Variants in SCPEP1 observed in about 807,000 individuals in gnomAD.
SCPEP1 encodes serine carboxypeptidase 1, also known as retinoid-inducible serine carboxypeptidase.
In SCPEP1, 51 loss-of-function variants were observed where a neutral mutation model predicts 63.8. The ratio of observed to expected loss-of-function variants is 0.80; its 90% CI spans 0.64 to 1.01. The LOEUF (loss-of-function observed/expected upper bound fraction) is 1.01. Among genes scored for constraint, SCPEP1 ranks in the 50% least tolerant of loss-of-function variants. SCPEP1 has a pLI of 0.00. For missense variants in SCPEP1, 499 were observed against 554.9 expected, an observed-to-expected ratio of 0.90 and a Z score of 1.01; for synonymous variants, 204 against 207.8, an observed-to-expected ratio of 0.98 and a Z score of 0.16.
intron 2 of SCPEP1, among the ~76,000 whole-genome samples, chr17:56,981,594 C>G (rs950078775): frequency 6.6e-6 from 1 of 152,110 alleles, no homozygotes; most frequent in African/African-American, 2.4e-5. Context: ...GTGGGTGGAT[C>G]ATACGAGGCC....
chr17:56,997,246 G>T, intron 9 of SCPEP1, 191 bp downstream of exon 9: 1 of 434,196 alleles, frequency 2.3e-6, no homozygotes, highest in Non-Finnish European at 4.1e-6. Flanking sequence ...GAGCATTTCT[G>T]TCACCCCAAG....
At chr17:57,001,154 G>T (rs1884582164) in intron 11 of SCPEP1, among the ~76,000 whole-genome samples, 162 bp downstream of exon 11, 1 of 152,134 alleles carries the variant, frequency 6.6e-6, no homozygotes, top group Non-Finnish European at 1.5e-5. Context: ...TATTCAAAGG[G>T]TGGGGAGCTG....
rs771589400 is a variant in SCPEP1 at position 56,988,212 on chromosome 17, C to T, written c.472-4C>T. The T allele has an allele frequency of 9.4e-6, 15 of 1,602,896 alleles. No individual in the cohort carries two copies. Among genetic ancestry groups the T allele is most frequent in the South Asian group, 3.3e-5 (3 of 89,764 alleles). ...TAATTCTGTGTAATTCCTTTTCTTG[C>T]TAGACAGTTCCATTCTACATTTTCT... On this transcript the variant is annotated splice_region_variant and splice_polypyrimidine_tract_variant and intron_variant, in intron 4 of 12. Coordinates refer to ENST00000262288, the MANE Select transcript of SCPEP1 (RefSeq NM_021626.3).
At chr17:56,991,207 C>CT (rs1186470982) in intron 6 of SCPEP1, 36 bp downstream of exon 6, 2 of 1,496,348 alleles carry the variant, frequency 1.3e-6, no homozygotes, top group Admixed American at 3.3e-5. Context: ...TTTCACTCCC[C>CT]TTTTGCCCAT....
At chr17:56,984,346 C>G (rs138040877) in intron 2 of SCPEP1, 1,948 of 152,524 alleles carry the variant, frequency 0.013, 26 homozygotes, top group Non-Finnish European at 0.016. Flanking sequence ...CATAGACTCC[C>G]CACCTCAATT....
intron 1 of SCPEP1, among the ~76,000 whole-genome samples, chr17:56,978,489 C>T (rs1446436839): frequency 6.6e-6 from 1 of 151,180 alleles, no homozygotes; most frequent in East Asian, 1.9e-4. Context: ...AAGCTGTGTG[C>T]AGAAATGTAT....
chr17:57,000,143 C>G (rs1911696194), intron 10 of SCPEP1, among the ~76,000 whole-genome samples: 1 of 152,092 alleles, frequency 6.6e-6, no homozygotes, highest in South Asian at 2.1e-4. Context: ...GGGTGAGACT[C>G]TGTCTCAAAT....
intron 3 of SCPEP1, 42 bp from the exon 4 acceptor site, chr17:56,987,653 A>G (rs1302273157): frequency 1.9e-6 from 3 of 1,597,826 alleles, no homozygotes; most frequent in Middle Eastern, 1.9e-4. Flanking sequence ...TTGGTGACCA[A>G]ATGTCTGATT....
At position 56,990,769 on chromosome 17, in the gene SCPEP1, G is replaced by A. The variant is rs375045845; in HGVS notation, c.547-330G>A. On this transcript the variant is annotated intron_variant, in intron 5 of 12. Transcript: ENST00000262288. ...CTGCCTCAGCCTCCCGAGTAACTGG[G>A]ACTACAGACGAGCACTACCGTGCCT... 5.9e-5 allele frequency among the ~76,000 whole-genome samples: 9 copies of A among 152,250 alleles called. 1 individual carries two copies. The highest frequency in any genetic ancestry group is 1.9e-4 in the East Asian group (1 of 5,174).
chr17:56,988,835 T>A (rs539723741), intron 5 of SCPEP1, among the ~76,000 whole-genome samples: 15 of 152,008 alleles, frequency 9.9e-5, no homozygotes, highest in African/African-American at 3.1e-4. Flanking sequence ...AATAGAAAAC[T>A]TGTATTCTTG....
At position 56,989,463 on chromosome 17, in the gene SCPEP1, G is replaced by C. The variant is rs556266356; in HGVS notation, c.546+1173G>C. 5.9e-5 allele frequency among the ~76,000 whole-genome samples: 9 copies of C among 152,218 alleles called. No homozygotes were observed. The South Asian group carries it at 1.2e-3, about 21-fold the overall frequency. ...AATTTGACAATGTCAATTTTTTAAA[G>C]ATATGTGTCATTTCACCCAATAATT... On this transcript the variant is annotated intron_variant, in intron 5 of 12. Coordinates refer to ENST00000262288, the MANE Select transcript of SCPEP1 (RefSeq NM_021626.3).
intron 5 of SCPEP1, among the ~76,000 whole-genome samples, chr17:56,989,808 A>C (rs1448745427): frequency 6.6e-6 from 1 of 152,140 alleles, no homozygotes; most frequent in African/African-American, 2.4e-5. Flanking sequence ...TTAGCTGGGC[A>C]TGGTAGTGCA....
chr17:56,989,164 T>A (rs1252570469), intron 5 of SCPEP1, among the ~76,000 whole-genome samples: 1 of 152,180 alleles, frequency 6.6e-6, no homozygotes, highest in African/African-American at 2.4e-5. Flanking sequence ...CACTCCAGCC[T>A]GGGTGACAGA....
intron 4 of SCPEP1, 34 bp downstream of exon 4, chr17:56,987,884 G>C (rs767933571): frequency 8.1e-6 from 13 of 1,610,018 alleles, no homozygotes; most frequent in Non-Finnish European, 1.1e-5. Context: ...TAAGTAAAGG[G>C]CTGGCAATAT....
At position 57,002,139 on chromosome 17, in the gene SCPEP1, C is replaced by T; in HGVS notation, c.1254C>T (p.Tyr418=). Residue 418 remains tyrosine (Y), a synonymous_variant, in exon 12 of 13, where the codon TAC becomes TAT. Transcript: ENST00000262288. ...SLETSAFVKS[Y]KNLAFYWILK... The stretch of plus-strand genomic sequence containing the variant: ...AAACATCTGCTTTTGTCAAGTCCTA[C>T]AAGAACCTTGCTTTCTACTGGATTC... 2 of 1,614,210 alleles carry T rather than the reference C, an allele frequency of 1.2e-6. No homozygotes were observed. Among genetic ancestry groups the T allele is most frequent in the South Asian group, 1.1e-5 (1 of 91,090 alleles).
At chr17:57,003,664 G>T (rs1911806227) in intron 12 of SCPEP1, among the ~76,000 whole-genome samples, 1 of 152,150 alleles carries the variant, frequency 6.6e-6, no homozygotes, top group African/African-American at 2.4e-5. Flanking sequence ...GACCAGGGAT[G>T]CGTGGCATCC....
Position 56,996,968 on chromosome 17 carries a change from G to A in SCPEP1, c.793G>A (p.Asp265Asn). ...KAEMIIEQNT[D>N]GVNFYNILTK... ...ATAAACTTTTATATTTCAGAACACA[G>A]ATGGGGTGAACTTCTATAACATCTT... Residue 265 changes from aspartate to asparagine, a missense_variant, in exon 9 of 13, where the codon GAT (aspartate) becomes AAT (asparagine). Asp to Asn is a conservative substitution (Grantham distance 23). Coordinates refer to ENST00000262288, the MANE Select transcript of SCPEP1 (RefSeq NM_021626.3). 6.2e-7 allele frequency: 1 copy of A among 1,601,260 alleles called. No individual in the cohort carries two copies. The highest frequency in any genetic ancestry group is 8.5e-7 in the Non-Finnish European group (1 of 1,174,664).
At chr17:56,998,733 G>A (rs1218441099) in intron 10 of SCPEP1, among the ~76,000 whole-genome samples, 7 of 152,170 alleles carry the variant, frequency 4.6e-5, no homozygotes, top group Non-Finnish European at 8.8e-5. Flanking sequence ...GGGAGACTGA[G>A]TTGAGAGGAT....
intron 4 of SCPEP1, 139 bp from the exon 5 acceptor site, chr17:56,988,077 A>G: frequency 1.3e-6 from 1 of 758,390 alleles, no homozygotes; most frequent in Non-Finnish European, 2.1e-6. Context: ...CGCAATAATC[A>G]GATATGGAGT....
Sources: gnomAD v4.1 joint callset for allele counts (sites outside exome capture counted in the v4.1 genomes callset) on GRCh38, gnomAD v4.1.1 for gene constraint, MANE v1.5 for transcripts, NCBI Gene and HGNC (gene_info 2026-07-23, HGNC 2026-07-21) for gene names.